Variants in SETD7 observed in about 807,000 individuals in gnomAD.
The protein encoded by SETD7 is SET domain containing 7, histone lysine methyltransferase.
SETD7 carries 16 observed loss-of-function variants against 41.8 expected under a neutral mutation model. The observed-to-expected ratio is 0.38, with a 90% confidence interval of 0.26 to 0.58. The LOEUF (loss-of-function observed/expected upper bound fraction) is 0.58, where lower values mean the gene tolerates loss of function less well. SETD7 is among the 20% of genes least tolerant of loss of function. The probability of loss-of-function intolerance (pLI) is 0.64; values close to 1 mark genes in which losing one functional copy is unlikely to be tolerated. For missense variants in SETD7, 346 were observed against 459.7 expected, an observed-to-expected ratio of 0.75 and a Z score of 2.26; for synonymous variants, 163 against 169.7, an observed-to-expected ratio of 0.96 and a Z score of 0.31.
At position 139,508,948 on chromosome 4, in the gene SETD7, A is replaced by G. The variant is rs1726783416; in HGVS notation, c.*2715T>C. On this transcript the variant is annotated 3_prime_UTR_variant, in exon 8 of 8. Coordinates refer to ENST00000274031, the MANE Select transcript of SETD7 (RefSeq NM_030648.4). Reference sequence around the variant, plus strand: ...TTACTCCGATTCCAACCTGCCACAGAGCCTTACATTTGGGAGTATGTGTGT... The same window carrying G: ...TTACTCCGATTCCAACCTGCCACAGGGCCTTACATTTGGGAGTATGTGTGT... The G allele has an allele frequency of 6.6e-6, 1 of 151,934 alleles. No homozygotes were observed. The highest frequency in any genetic ancestry group is 6.6e-5 in the Admixed American group (1 of 15,234). 9.4% of individuals were successfully genotyped at this position (151,934 alleles called of 1,614,324 possible). A position where few individuals can be genotyped will look rare whatever the true frequency, so the allele number is the denominator to read the frequency against.
Position 139,555,053 on chromosome 4 carries a change from C to A in SETD7, c.40+1045G>T, listed in dbSNP as rs953851713. Among the ~76,000 whole-genome samples, 3 of 152,084 alleles carry A rather than the reference C, an allele frequency of 2.0e-5. No individual in the cohort carries two copies. The highest frequency in any genetic ancestry group is 7.2e-5 in the African/African-American group (3 of 41,404). On this transcript the variant is annotated intron_variant, in intron 1 of 7. Coordinates refer to ENST00000274031, the MANE Select transcript of SETD7 (RefSeq NM_030648.4). This position sits in a 1 kb window ranked among gnomAD's most constrained non-coding sequence, Gnocchi z 4.0. The stretch of plus-strand genomic sequence containing the variant: ...CCACACTGAAAAACATCACGACGTA[C>A]TGTATGGAGTGGAACCAAATAAATA...
At position 139,496,506 on chromosome 4, in the gene SETD7, G is replaced by A. The variant is rs1021165655; in HGVS notation, c.936C>T (p.His312=). ...ATCTGCTTCTTTTACACGTTCCCAG[G>A]TGATTCTTCTGGCCACTGAAATTGG... Residue 312 remains histidine, a synonymous_variant, in exon 8 of 8, where the codon CAC becomes CAT. Coordinates refer to the SETD7 transcript ENST00000506866. 35 of 702,160 alleles carry A rather than the reference G, an allele frequency of 5.0e-5. 1 individual carries two copies. The highest frequency in any genetic ancestry group is 2.3e-4 in the Middle Eastern group (1 of 4,362). The allele number at this position is 702,160 out of a possible 1,614,324, so 43.5% of individuals were successfully genotyped here. A position where few individuals can be genotyped will look rare whatever the true frequency, so the allele number is the denominator to read the frequency against.
intron 2 of SETD7, among the ~76,000 whole-genome samples, chr4:139,540,712 A>T (rs908436114): frequency 2.6e-5 from 4 of 152,318 alleles, no homozygotes; most frequent in Non-Finnish European, 5.9e-5. Context: ...TGTCACAAAA[A>T]TTTTTGGCCT....
At chr4:139,513,502 G>A (rs1726939820) in intron 7 of SETD7, among the ~76,000 whole-genome samples, 2 of 152,060 alleles carry the variant, frequency 1.3e-5, no homozygotes, top group Non-Finnish European at 2.9e-5. Flanking sequence ...CAGTGGTGGA[G>A]GAATGGGCAT....
At position 139,497,572 on chromosome 4, in the gene SETD7, G is replaced by GT. The variant is rs1023063759; in HGVS notation, c.921-1052dup. 2.1e-3 allele frequency among the ~76,000 whole-genome samples: 311 copies of GT among 151,354 alleles called. 1 individual carries two copies. Among genetic ancestry groups the GT allele is most frequent in the African/African-American group, 5.3e-3 (220 of 41,260 alleles). On this transcript the variant is annotated intron_variant, in intron 7 of 7. Coordinates refer to the SETD7 transcript ENST00000506866. ...GAAAGAACATCAACTGAGTTTTCAT[G>GT]TTTTTTTTGTTTTTTTGTTTTTTTG...
chr4:139,527,421 T>G (rs950118934), intron 4 of SETD7, among the ~76,000 whole-genome samples: 2 of 151,992 alleles, frequency 1.3e-5, no homozygotes, highest in African/African-American at 4.8e-5. Context: ...AGCTGGGCAT[T>G]GTGGTGCATG....
At chr4:139,512,500 T>C (rs573140242) in intron 7 of SETD7, among the ~76,000 whole-genome samples, 1 of 152,330 alleles carries the variant, frequency 6.6e-6, no homozygotes, top group African/African-American at 2.4e-5. Context: ...ATCTCCTTCC[T>C]ACAACAAGTC....
At chr4:139,497,944 T>C (rs2111106605) in intron 7 of SETD7, among the ~76,000 whole-genome samples, 1 of 152,272 alleles carries the variant, frequency 6.6e-6, no homozygotes, top group African/African-American at 2.4e-5. Flanking sequence ...GAATAAATCC[T>C]CACCACAAGA....
intron 7 of SETD7, among the ~76,000 whole-genome samples, chr4:139,499,906 A>G (rs1579194273): frequency 6.6e-6 from 1 of 152,158 alleles, no homozygotes; most frequent in Non-Finnish European, 1.5e-5. Context: ...AAGAATCTAG[A>G]CAGAGAGGTT....
intron 7 of SETD7, among the ~76,000 whole-genome samples, chr4:139,517,677 CT>C (rs1401040260): frequency 2.6e-5 from 4 of 152,164 alleles, no homozygotes; most frequent in Non-Finnish European, 5.9e-5. Flanking sequence ...CTTCAAAGCA[CT>C]TTCCATTTCT....
chr4:139,520,703 T>C (rs1727155906), intron 5 of SETD7, among the ~76,000 whole-genome samples: 1 of 152,218 alleles, frequency 6.6e-6, no homozygotes, highest in Non-Finnish European at 1.5e-5. Flanking sequence ...TGTTTTTAGT[T>C]GATGACAATT....
At chr4:139,523,974 C>CTCTA (rs1303635638) in intron 4 of SETD7, among the ~76,000 whole-genome samples, 1 of 152,184 alleles carries the variant, frequency 6.6e-6, no homozygotes, top group Admixed American at 6.5e-5. Flanking sequence ...TAGTAATTTA[C>CTCTA]TCTAGAAATC....
At chr4:139,493,688 C>A (rs1726398923), downstream of SETD7, among the ~76,000 whole-genome samples, 1 of 151,966 alleles carries the variant, frequency 6.6e-6, no homozygotes, top group Non-Finnish European at 1.5e-5. Context: ...TACAGGCATG[C>A]ACCACCAGGC....
intron 3 of SETD7, among the ~76,000 whole-genome samples, chr4:139,531,363 T>A (rs992181592): frequency 7.2e-5 from 11 of 152,122 alleles, no homozygotes; most frequent in African/African-American, 2.7e-4. Flanking sequence ...ATCCAACACT[T>A]TGCCTGCTTC....
chr4:139,517,343 C>T (rs1358192466), intron 7 of SETD7, among the ~76,000 whole-genome samples: 2 of 151,988 alleles, frequency 1.3e-5, no homozygotes, highest in Admixed American at 6.5e-5. Context: ...GGTGCGGTGG[C>T]GCATGCCTGT....
At chr4:139,533,056 C>T in intron 3 of SETD7, 109 bp downstream of exon 3, 2 of 929,584 alleles carry the variant, frequency 2.2e-6, no homozygotes, top group Non-Finnish European at 1.7e-6. Context: ...GCTGTGGTGA[C>T]TCTCAGGTTT....
intron 4 of SETD7, among the ~76,000 whole-genome samples, chr4:139,526,371 G>A (rs1280401344): frequency 1.3e-5 from 2 of 150,410 alleles, no homozygotes; most frequent in Non-Finnish European, 2.9e-5. Context: ...CTGAGCTCAC[G>A]TGATCCTCCC....
downstream of SETD7, among the ~76,000 whole-genome samples, chr4:139,504,031 A>C (rs1735503650): frequency 6.6e-6 from 1 of 152,210 alleles, no homozygotes; most frequent in South Asian, 2.1e-4. Context: ...AGACAAGCTG[A>C]GAAAGGCAGA....
In SETD7 at chr4:139,529,324, G is replaced by A. The variant is rs188340513; in HGVS notation, c.373-104C>T. ...CAGTCCCATTATTAATATAGCACCA[G>A]TAGGGATAATAACAGTTTAGGAACC... On this transcript the variant is annotated intron_variant, in intron 3 of 7. Coordinates refer to ENST00000274031, the MANE Select transcript of SETD7 (RefSeq NM_030648.4). The A allele has an allele frequency of 5.9e-6, 5 of 854,460 alleles. No homozygotes were observed. The Admixed American group carries it at 1.1e-4, about 19-fold the overall frequency. The allele number at this position is 854,460 out of a possible 1,614,324, so 52.9% of individuals were successfully genotyped here. A position where few individuals can be genotyped will look rare whatever the true frequency, so the allele number is the denominator to read the frequency against.
Sources: allele counts gnomAD v4.1 joint callset (sites outside exome capture counted in the v4.1 genomes callset), GRCh38; gene constraint gnomAD v4.1.1; non-coding constraint Gnocchi (gnomAD v3.1); transcripts MANE v1.5; gene names NCBI Gene and HGNC (gene_info 2026-07-23, HGNC 2026-07-21).